The following FBN3 variants were observed in gnomAD, a reference collection of about 807,000 sequenced individuals.
The protein encoded by FBN3 is fibrillin 3, also known as fibrillin-3.
A neutral mutation model predicts 330.1 loss-of-function variants in FBN3; 234 were observed. The observed-to-expected ratio is 0.71, with a 90% CI of 0.64 to 0.79. FBN3 has a LOEUF of 0.79. Ranked by LOEUF, FBN3 falls within the 30% of genes least tolerant of loss-of-function variation. The pLI, the probability that FBN3 is intolerant of heterozygous loss-of-function variation, is 0.00. For missense variants in FBN3, 3,606 were observed against 3,886.9 expected (o/e 0.93, Z 1.92); for synonymous variants, 1,458 against 1,517.3 (o/e 0.96, Z 0.91).
intron 57 of FBN3, among the ~76,000 whole-genome samples, chr19:8,081,986 CG>C (rs1246404428): frequency 7.2e-6 from 1 of 139,468 alleles, no homozygotes; most frequent in African/African-American, 2.6e-5. Flanking sequence ...TTTCTTGAGA[CG>C]GAGTCTCGTT....
In FBN3 at chr19:8,109,155, A is replaced by G; in HGVS notation, c.4618+72T>C. 2 of 1,461,868 alleles carry G rather than the reference A, an allele frequency of 1.4e-6. No individual in the cohort carries two copies. The highest frequency in any genetic ancestry group is 2.3e-5 in the East Asian group (1 of 43,712). 90.6% of individuals were successfully genotyped at this position (1,461,868 alleles called of 1,614,324 possible). A position where few individuals can be genotyped will look rare whatever the true frequency, so the allele number is the denominator to read the frequency against. On this transcript the variant is annotated intron_variant, in intron 36 of 63. Coordinates refer to ENST00000600128, the MANE Select transcript of FBN3 (RefSeq NM_032447.5). The surrounding 1 kb of genome is among the most constrained non-coding windows in gnomAD (Gnocchi z 5.2). Reference sequence around the variant, plus strand: ...TAAGCCCCCCACCACCGCCATTAGCAGAGGTGACCCCCTAAGCTCCCGGGC... The same window carrying G: ...TAAGCCCCCCACCACCGCCATTAGCGGAGGTGACCCCCTAAGCTCCCGGGC...
rs771566163 is a variant in FBN3 at position 8,110,887 on chromosome 19, T to G, written c.4291A>C (p.Asn1431His). 16 of 1,614,114 alleles carry G rather than the reference T, an allele frequency of 9.9e-6. No homozygotes were observed. The South Asian group carries it at 1.6e-4, about 17-fold the overall frequency. ...NLPGMFRCIC[N>H]GGYELDRGGG... ...CCTCGGTCCAGTTCGTAGCCACCATTGCAGATGCAGCGGAACATTCCAGGC... is the reference window on the plus strand; with the variant it reads ...CCTCGGTCCAGTTCGTAGCCACCATGGCAGATGCAGCGGAACATTCCAGGC... Residue 1431 changes from asparagine (N) to histidine (H), a missense_variant, in exon 34 of 64, where the codon AAT becomes CAT. Coordinates refer to ENST00000600128, the MANE Select transcript of FBN3 (RefSeq NM_032447.5).
intron 41 of FBN3, among the ~76,000 whole-genome samples, chr19:8,098,041 T>C (rs995659656): frequency 1.5e-4 from 23 of 152,220 alleles, no homozygotes; most frequent in Non-Finnish European, 1.8e-4. Context: ...GTGATGAAAA[T>C]GTTTTAAACT....
chr19:8,068,491 G>C (rs1003288426), intron 63 of FBN3, among the ~76,000 whole-genome samples: 2 of 152,016 alleles, frequency 1.3e-5, no homozygotes, highest in African/African-American at 4.8e-5. Context: ...GAGCCCAGGA[G>C]TTTGAGACCA....
intron 62 of FBN3, 24 bp downstream of exon 62, chr19:8,073,039 G>A (rs768857663): frequency 4.6e-6 from 7 of 1,528,594 alleles, no homozygotes; most frequent in Admixed American, 1.8e-5. Context: ...CATGGAGTCT[G>A]CTTGCCCCAC....
chr19:8,126,364 A>G lies in FBN3; in HGVS notation c.2555-17T>C, dbSNP rs10906994. 1,579,910 of 1,587,692 alleles carry G rather than the reference A, an allele frequency of 1. 786,189 individuals carry two copies. The highest frequency in any genetic ancestry group is 1 in the Non-Finnish European group (1,167,096 of 1,168,360). On this transcript the variant is annotated splice_polypyrimidine_tract_variant and intron_variant, in intron 20 of 63. Coordinates refer to ENST00000600128, the MANE Select transcript of FBN3 (RefSeq NM_032447.5). ...AGGCAGGGTCTGCAACTGGGAGAAC[A>G]AGAGTGAAGAGAGGAGTCATTTTCT...
At position 8,109,542 on chromosome 19, in the gene FBN3, C is replaced by G. The variant is rs1300724892; in HGVS notation, c.4456+89G>C. ...TTTGTCAGGAGCAGGTAGATTTGAA[C>G]ACGTTGACATCTGAGTTAACCCAGT... On this transcript the variant is annotated intron_variant, in intron 35 of 63. Coordinates refer to ENST00000600128, the MANE Select transcript of FBN3 (RefSeq NM_032447.5). The surrounding 1 kb of genome is among the most constrained non-coding windows in gnomAD (Gnocchi z 5.2). 6.5e-7 allele frequency: 1 copy of G among 1,543,322 alleles called. No homozygotes were observed. The highest frequency in any genetic ancestry group is 8.8e-7 in the Non-Finnish European group (1 of 1,136,832).
Position 8,095,309 on chromosome 19 carries a change from C to T in FBN3, c.5785+66G>A, listed in dbSNP as rs1274849765. 4 of 1,517,534 alleles carry T rather than the reference C, an allele frequency of 2.6e-6. No homozygotes were observed. The African/African-American group carries it at 5.5e-5, about 21-fold the overall frequency. The allele number at this position is 1,517,534 out of a possible 1,614,324, so 94.0% of individuals were successfully genotyped here. On this transcript the variant is annotated intron_variant, in intron 46 of 63. Coordinates refer to ENST00000600128, the MANE Select transcript of FBN3 (RefSeq NM_032447.5). ...ATGGATCTATGCTCACCCAGAAGTA[C>T]CAAACTGTGGTGTACATGGAGCAGG...
Position 8,089,675 on chromosome 19 carries a change from G to A in FBN3, c.6251-5C>T, listed in dbSNP as rs774661339. The A allele has an allele frequency of 3.1e-6, 5 of 1,613,796 alleles. No individual in the cohort carries two copies. The Admixed American group carries it at 5.0e-5, about 16-fold the overall frequency. The stretch of plus-strand genomic sequence containing the variant: ...TCTCTGCACACTCATTCACGTCTGC[G>A]GATGGCAGGCGTTGCAGACATGGCT... On this transcript the variant is annotated splice_polypyrimidine_tract_variant and splice_region_variant and intron_variant, in intron 50 of 63. Coordinates refer to ENST00000600128, the MANE Select transcript of FBN3 (RefSeq NM_032447.5).
At chr19:8,142,274 A>C in intron 6 of FBN3, 137 bp from the exon 7 acceptor site, 1 of 687,962 alleles carries the variant, frequency 1.5e-6, no homozygotes, top group South Asian at 1.9e-5. Flanking sequence ...TAAATAGAAT[A>C]TCTTTCCTCC....
chr19:8,069,843 C>A (rs1205756153), intron 63 of FBN3, among the ~76,000 whole-genome samples: 1 of 152,220 alleles, frequency 6.6e-6, no homozygotes, highest in Non-Finnish European at 1.5e-5. Flanking sequence ...GTGGCACACA[C>A]CTGTAATCCC....
rs542783506 is a variant in FBN3, at chr19:8,128,683, T to G, written c.2296+345A>C. 9.2e-5 allele frequency among the ~76,000 whole-genome samples: 14 copies of G among 152,286 alleles called. No homozygotes were observed. In the South Asian group the frequency reaches 2.9e-3, roughly 32 times the overall value. On this transcript the variant is annotated intron_variant, in intron 18 of 63. Coordinates refer to ENST00000600128, the MANE Select transcript of FBN3 (RefSeq NM_032447.5). ...TTGAGTATGCATGTCTGTGTACACA[T>G]GCACACAGCATGTCTGAATGTGTGT...
At chr19:8,141,000 G>A (rs968515523) in intron 8 of FBN3, among the ~76,000 whole-genome samples, 1 of 151,562 alleles carries the variant, frequency 6.6e-6, no homozygotes, top group Non-Finnish European at 1.5e-5. Flanking sequence ...AGACCATCCT[G>A]GCTAACACGG....
chr19:8,090,517 T>C (rs1341707902), intron 48 of FBN3, among the ~76,000 whole-genome samples: 1 of 148,858 alleles, frequency 6.7e-6, no homozygotes, highest in Non-Finnish European at 1.5e-5. Flanking sequence ...GGAGTCTTCC[T>C]CTGTTGACCA....
intron 8 of FBN3, 127 bp from the exon 9 acceptor site, chr19:8,138,691 C>T (rs1419509212): frequency 4.0e-6 from 4 of 1,004,792 alleles, no homozygotes; most frequent in African/African-American, 3.3e-5. Flanking sequence ...TCAGTTTCCT[C>T]TCCATAAAAT....
chr19:8,110,744 G>GA (rs2082560289), intron 34 of FBN3, 101 bp downstream of exon 34: 1 of 1,486,652 alleles, frequency 6.7e-7, no homozygotes, highest in East Asian at 2.3e-5. Flanking sequence ...TGCAGGGGAG[G>GA]ATGCTTGAAA....
At chr19:8,107,562 T>G (rs549962025) in intron 37 of FBN3, among the ~76,000 whole-genome samples, 1 of 141,496 alleles carries the variant, frequency 7.1e-6, no homozygotes, top group Non-Finnish European at 1.5e-5. Flanking sequence ...GGTGGAAGGA[T>G]GGATGGATGG....
Position 8,111,108 on chromosome 19 carries a change from C to A in FBN3, c.4160G>T (p.Cys1387Phe). 1 of 1,613,682 alleles carries A rather than the reference C, an allele frequency of 6.2e-7. No homozygotes were observed. The highest frequency in any genetic ancestry group is 8.5e-7 in the Non-Finnish European group (1 of 1,179,766). ...QCLNAPGGYR[C>F]ECEMGFDPTE... ...GGGGTCAAAGCCCATCTCACATTCA[C>A]AGCGGTACCCGCCGGGCGCATTGAG... Residue 1387 changes from cysteine (C) to phenylalanine (F), a missense_variant, in exon 33 of 64, where the codon TGT becomes TTT. Physicochemically the swap from Cys to Phe is radical, Grantham distance 205 (BLOSUM62 -2). Transcript: ENST00000600128.
intron 14 of FBN3, among the ~76,000 whole-genome samples, chr19:8,132,034 TTCTA>T (rs891399985): frequency 3.3e-5 from 5 of 152,170 alleles, no homozygotes; most frequent in Admixed American, 6.6e-5. Flanking sequence ...TTCCCCATCT[TTCTA>T]TCTTTCTCTC....
Sources: allele counts gnomAD v4.1 joint callset (sites outside exome capture counted in the v4.1 genomes callset), GRCh38; gene constraint gnomAD v4.1.1; non-coding constraint Gnocchi (gnomAD v3.1); transcripts MANE v1.5; gene names NCBI Gene and HGNC (gene_info 2026-07-23, HGNC 2026-07-21).